The following TBC1D5 variants were observed in gnomAD, a reference collection of about 807,000 sequenced individuals.
The protein encoded by TBC1D5 is TBC1 domain family, member 5.
Under a neutral mutation model 100.3 loss-of-function variants are expected in TBC1D5, and 75 were observed. The observed-to-expected ratio is 0.75, with a 90% confidence interval of 0.62 to 0.91. The LOEUF (loss-of-function observed/expected upper bound fraction) is 0.91. Ranked by LOEUF, TBC1D5 falls within the 40% of genes least tolerant of loss-of-function variation. The probability of loss-of-function intolerance (pLI) is 0.00; values close to 1 mark genes in which losing one functional copy is unlikely to be tolerated. For synonymous variants in TBC1D5, 323 were observed against 325.6 expected (o/e 0.99, Z 0.09); for missense variants, 910 against 942.4 (o/e 0.97, Z 0.45).
At chr3:17,404,764 A>G in exon 7 of TBC1D5, 1 of 1,605,532 alleles carries the variant, frequency 6.2e-7, no homozygotes, top group Non-Finnish European at 8.5e-7. Flanking sequence ...CGGGTTGGTA[A>G]TATGCTAGTA....
chr3:17,517,351 G>A (rs938726449), intron 2 of TBC1D5, among the ~76,000 whole-genome samples: 2 of 152,202 alleles, frequency 1.3e-5, no homozygotes, highest in Non-Finnish European at 2.9e-5. Flanking sequence ...CACTCGTATG[G>A]TGGGTGAGAA....
intron 18 of TBC1D5, among the ~76,000 whole-genome samples, chr3:17,193,507 G>A (rs1179071213): frequency 3.3e-5 from 5 of 152,096 alleles, no homozygotes; most frequent in Non-Finnish European, 1.5e-5. Flanking sequence ...TATGGGGTAT[G>A]GATTACAAAT....
At chr3:17,189,392 T>C (rs4685443) in intron 18 of TBC1D5, among the ~76,000 whole-genome samples, 24,117 of 152,066 alleles carry the variant, frequency 0.16, 2,582 homozygotes, top group East Asian at 0.46. Flanking sequence ...AAGAAATTGA[T>C]AGAGGAGGAT....
chr3:17,322,053 A>T (rs17043392), intron 13 of TBC1D5, among the ~76,000 whole-genome samples: 1 of 152,118 alleles, frequency 6.6e-6, no homozygotes, highest in African/African-American at 2.4e-5. Context: ...TATATTTCTC[A>T]TAGCTGTTAT....
chr3:17,442,666 A>G (rs1038207709), intron 3 of TBC1D5, among the ~76,000 whole-genome samples: 1 of 152,190 alleles, frequency 6.6e-6, no homozygotes, highest in Non-Finnish European at 1.5e-5. Context: ...TTGAGAACGG[A>G]ACCATAATAT....
At chr3:17,246,388 C>A (rs1261415033) in intron 16 of TBC1D5, among the ~76,000 whole-genome samples, 1 of 152,090 alleles carries the variant, frequency 6.6e-6, no homozygotes, top group Non-Finnish European at 1.5e-5. Flanking sequence ...TAACTCCAAT[C>A]AAAATCCCAA....
At chr3:17,697,301 G>C (rs1156306915) in intron 1 of TBC1D5, among the ~76,000 whole-genome samples, 2 of 152,208 alleles carry the variant, frequency 1.3e-5, no homozygotes, top group Non-Finnish European at 2.9e-5. Flanking sequence ...ATTAGGAAAA[G>C]AGGAAGTCAA....
chr3:17,283,581 C>T (rs369928153), intron 15 of TBC1D5, among the ~76,000 whole-genome samples: 3 of 151,968 alleles, frequency 2.0e-5, no homozygotes, highest in Non-Finnish European at 4.4e-5. Context: ...CATGTGACGG[C>T]CAAGAGGTGT....
intron 1 of TBC1D5, among the ~76,000 whole-genome samples, chr3:17,691,674 G>A (rs2071181733): frequency 6.6e-6 from 1 of 152,018 alleles, no homozygotes; most frequent in Non-Finnish European, 1.5e-5. Flanking sequence ...AAAATTAGTT[G>A]GGCATGGTGG....
chr3:17,680,320 C>A (rs1455159916), intron 1 of TBC1D5, among the ~76,000 whole-genome samples: 4 of 150,410 alleles, frequency 2.7e-5, no homozygotes, highest in African/African-American at 1.0e-4. Context: ...CAGCCTCAAT[C>A]TCCTAGATTC....
chr3:17,696,857 A>G (rs1430063831), intron 1 of TBC1D5, among the ~76,000 whole-genome samples: 3 of 152,226 alleles, frequency 2.0e-5, no homozygotes, highest in African/African-American at 7.2e-5. Flanking sequence ...AATTCTCAAT[A>G]AAATACTGGC....
At chr3:17,468,471 T>A (rs1427896928) in intron 3 of TBC1D5, among the ~76,000 whole-genome samples, 5 of 152,212 alleles carry the variant, frequency 3.3e-5, no homozygotes, top group African/African-American at 1.2e-4. Flanking sequence ...TAAATTGCAA[T>A]ATTGCAATAT....
chr3:17,312,001 T>C (rs910981045), intron 13 of TBC1D5, among the ~76,000 whole-genome samples: 3 of 152,164 alleles, frequency 2.0e-5, no homozygotes, highest in African/African-American at 7.2e-5. Context: ...TGTATTAGTA[T>C]TCAAGAAAAA....
At chr3:17,202,971 GT>G (rs2071661056) in intron 18 of TBC1D5, among the ~76,000 whole-genome samples, 1 of 152,242 alleles carries the variant, frequency 6.6e-6, no homozygotes, top group Admixed American at 6.5e-5. Flanking sequence ...GCACTGCCTA[GT>G]GGAGTTGTGA....
rs553405088 is a variant in TBC1D5, at chr3:17,364,032, C to T, written c.995+8043G>A. Among the ~76,000 whole-genome samples, 6 of 150,590 alleles carry T rather than the reference C, an allele frequency of 4.0e-5. No homozygotes were observed. The South Asian group carries it at 1.3e-3, about 32-fold the overall frequency. On this transcript the variant is annotated intron_variant, in intron 13 of 21. Coordinates refer to ENST00000253692, the Ensembl canonical transcript of TBC1D5. Reference sequence around the variant, plus strand: ...ACACAAGAATCAGGCAGCACCACCACCCCCTCCCCGGACTGAAATTTTGAA... The same window carrying T: ...ACACAAGAATCAGGCAGCACCACCATCCCCTCCCCGGACTGAAATTTTGAA...
intron 2 of TBC1D5, among the ~76,000 whole-genome samples, chr3:17,523,423 C>G (rs2153337802): frequency 6.6e-6 from 1 of 152,192 alleles, no homozygotes; most frequent in African/African-American, 2.4e-5. Flanking sequence ...AAAAGGAGCT[C>G]TAACTCTGAA....
intron 4 of TBC1D5, among the ~76,000 whole-genome samples, chr3:17,419,427 C>T (rs2094156786): frequency 6.6e-6 from 1 of 152,190 alleles, no homozygotes; most frequent in Non-Finnish European, 1.5e-5. Context: ...ATGTGCAAAT[C>T]CCCTAATAAA....
At position 17,290,815 on chromosome 3, in the gene TBC1D5, T is replaced by C. The variant is rs201872533; in HGVS notation, c.1245+1080A>G. Among the ~76,000 whole-genome samples, 12 of 152,332 alleles carry C rather than the reference T, an allele frequency of 7.9e-5. No homozygotes were observed. The East Asian group carries it at 2.1e-3, about 27-fold the overall frequency. On this transcript the variant is annotated intron_variant, in intron 15 of 21. Coordinates refer to ENST00000253692, the Ensembl canonical transcript of TBC1D5. ...CTTATACATCGGAGAAATAATGGAT[T>C]ATATTTCTGATGCTTAATGAAACTG... is the stretch of plus-strand genomic sequence containing the variant.
intron 13 of TBC1D5, among the ~76,000 whole-genome samples, chr3:17,327,107 A>AC (rs2086248472): frequency 6.6e-6 from 1 of 152,236 alleles, no homozygotes; most frequent in Admixed American, 6.5e-5. Flanking sequence ...TTAAAAATTT[A>AC]CCTTTTATTT....
Sources: gnomAD v4.1 joint callset for allele counts (sites outside exome capture counted in the v4.1 genomes callset) on GRCh38, gnomAD v4.1.1 for gene constraint, MANE v1.5 for transcripts, NCBI Gene and HGNC (gene_info 2026-07-23, HGNC 2026-07-21) for gene names.